The following SEC61A2 variants were observed in gnomAD, a reference collection of about 807,000 sequenced individuals.
The protein encoded by SEC61A2 is protein transport protein Sec61 subunit alpha isoform 2.
In SEC61A2, 28 loss-of-function variants were observed where a neutral mutation model predicts 59.9. That is an observed-to-expected ratio of 0.47 (90% CI 0.35 to 0.64). SEC61A2 has a LOEUF of 0.64. Among genes scored for constraint, SEC61A2 ranks in the 30% least tolerant of loss-of-function variants. SEC61A2 has a pLI of 0.01. For synonymous variants in SEC61A2, 202 were observed against 214.4 expected, an observed-to-expected ratio of 0.94 and a Z score of 0.50; for missense variants, 340 against 585.9, an observed-to-expected ratio of 0.58 and a Z score of 4.33.
rs114111486 is a variant in SEC61A2 at position 12,130,801 on chromosome 10, G to T, written c.7+1007G>T. 6.1e-3 allele frequency: 933 copies of T among 153,744 alleles called. 7 individuals are homozygous for T. The highest frequency in any genetic ancestry group is 0.021 in the African/African-American group (878 of 41,600). The allele number at this position is 153,744 out of a possible 1,614,324, so 9.5% of individuals were successfully genotyped here. On this transcript the variant is annotated intron_variant, in intron 1 of 11. Transcript: ENST00000298428. ...GGTTTTCAATTACTTCTCAAAAACC[G>T]CAGTTACTTTTGCACCAACCTAATA... is the stretch of plus-strand genomic sequence containing the variant.
chr10:12,158,011 A>T lies in SEC61A2; in HGVS notation c.881A>T (p.Gln294Leu). 1 of 1,614,130 alleles carries T rather than the reference A, an allele frequency of 6.2e-7. No homozygotes were observed. Among genetic ancestry groups the T allele is most frequent in the Non-Finnish European group, 8.5e-7 (1 of 1,180,022 alleles). Residue 294 changes from glutamine to leucine, a missense_variant, in exon 9 of 12, where the codon CAG becomes CTG. Physicochemically the swap from Gln to Leu is moderately radical, Grantham distance 113. Transcript: ENST00000298428. The surrounding 1 kb of genome is among the most constrained non-coding windows in gnomAD (Gnocchi z 5.7). ...FYTSNIPIIL[Q>L]SALVSNLYVI... is the part of the protein sequence containing the mutation. Reference sequence around the variant, plus strand: ...ACCTCCAACATCCCCATCATCCTCCAGTCGGCCCTGGTGTCCAACCTGTAT... The same window carrying T: ...ACCTCCAACATCCCCATCATCCTCCTGTCGGCCCTGGTGTCCAACCTGTAT...
In SEC61A2 at chr10:12,161,911, A is replaced by C. The variant is rs1834537878; in HGVS notation, c.1168-302A>C. Among the ~76,000 whole-genome samples, 1 of 152,196 alleles carries C rather than the reference A, an allele frequency of 6.6e-6. No individual in the cohort carries two copies. Among genetic ancestry groups the C allele is most frequent in the Non-Finnish European group, 1.5e-5 (1 of 68,028 alleles). On this transcript the variant is annotated intron_variant, in intron 10 of 11. Coordinates refer to ENST00000298428, the MANE Select transcript of SEC61A2 (RefSeq NM_018144.4). This position sits in a 1 kb window ranked among gnomAD's most constrained non-coding sequence, Gnocchi z 5.4. ...TCAGTGTCACCCCAACAGGCTAAAA[A>C]TTGGTTCCCAAAAGGTAAAAAATTC...
Position 12,164,311 on chromosome 10 carries a change from G to A in SEC61A2, c.1288G>A (p.Ala430Thr), listed in dbSNP as rs1297239833. 44 of 1,613,632 alleles carry A rather than the reference G, an allele frequency of 2.7e-5. No individual in the cohort carries two copies. The highest frequency in any genetic ancestry group is 4.0e-5 in the African/African-American group (3 of 74,920). The change falls in exon 12 of 12, where the codon GCC (alanine) becomes ACC (threonine). Residue 430 changes from alanine to threonine, a missense_variant. Physicochemically the swap from Ala to Thr is moderately conservative, Grantham distance 58. This residue lies in a region of SEC61A2 where 283 missense variants were observed against 483.2 expected (regional missense o/e 0.59). Coordinates refer to ENST00000298428, the MANE Select transcript of SEC61A2 (RefSeq NM_018144.4). The surrounding 1 kb of genome is among the most constrained non-coding windows in gnomAD (Gnocchi z 7.3). The stretch of plus-strand genomic sequence containing the variant: ...TGCGTTTGGCGGTTTGTGCATTGGC[G>A]CCCTGTCAGTGCTGGCTGACTTCCT... ...AAAFGGLCIG[A>T]LSVLADFLGA... is the part of the protein sequence containing the mutation.
chr10:12,147,805 T>G (rs1243474061), intron 4 of SEC61A2, among the ~76,000 whole-genome samples: 1 of 152,188 alleles, frequency 6.6e-6, no homozygotes, highest in African/African-American at 2.4e-5. Context: ...AAGGTCCATT[T>G]TTTTCTCTAC....
At chr10:12,135,128 G>A (rs1359967337) in intron 2 of SEC61A2, among the ~76,000 whole-genome samples, 3 of 114,534 alleles carry the variant, frequency 2.6e-5, no homozygotes, top group African/African-American at 9.7e-5. Flanking sequence ...CAGGGAGGGG[G>A]AACATCACAC....
Position 12,161,088 on chromosome 10 carries a change from A to G in SEC61A2, c.1134A>G (p.Thr378=), listed in dbSNP as rs373951087. ...MLGSCAFFSK[T]WIEVSGSSAK... ...GGTCATGTGCATTCTTCTCTAAGAC[A>G]TGGATTGAAGTGTCTGGTTCCTCAG... The change falls in exon 10 of 12, where the codon ACA becomes ACG. Residue 378 remains threonine (T), a synonymous_variant. Coordinates refer to ENST00000298428, the MANE Select transcript of SEC61A2 (RefSeq NM_018144.4). This position sits in a 1 kb window ranked among gnomAD's most constrained non-coding sequence, Gnocchi z 5.4. The G allele has an allele frequency of 3.6e-5, 58 of 1,613,388 alleles. No individual in the cohort carries two copies. The African/African-American group carries it at 7.2e-4, about 20-fold the overall frequency.
At chr10:12,165,459 CTGAGATGCCTGT>C, downstream of SEC61A2, 1 of 658,452 alleles carries the variant, frequency 1.5e-6, no homozygotes, top group Non-Finnish European at 1.9e-6. Context: ...GAAGTCCACC[CTGAGATGCCTGT>C]AAAAGTCAAA....
Position 12,164,672 on chromosome 10 carries a change from C to T in SEC61A2, c.*218C>T, listed in dbSNP as rs909438891. 2.2e-6 allele frequency: 3 copies of T among 1,346,896 alleles called. No individual in the cohort carries two copies. The African/African-American group carries it at 4.6e-5, about 20-fold the overall frequency. The allele number at this position is 1,346,896 out of a possible 1,614,324, so 83.4% of individuals were successfully genotyped here. A position where few individuals can be genotyped will look rare whatever the true frequency, so the allele number is the denominator to read the frequency against. The stretch of plus-strand genomic sequence containing the variant: ...TTTACATTATTCATTAAAAAAAGTA[C>T]ATCTAGTGTTGCCTGTAATGCTGGA... On this transcript the variant is annotated 3_prime_UTR_variant, in exon 12 of 12. Coordinates refer to ENST00000298428, the MANE Select transcript of SEC61A2 (RefSeq NM_018144.4). The surrounding 1 kb of genome is among the most constrained non-coding windows in gnomAD (Gnocchi z 7.3).
chr10:12,166,456 C>T (rs911976637), downstream of SEC61A2: 18 of 236,284 alleles, frequency 7.6e-5, no homozygotes, highest in Middle Eastern at 1.7e-3. Flanking sequence ...TTCTGTATTT[C>T]CATAATTGTT....
At position 12,162,118 on chromosome 10, in the gene SEC61A2, G is replaced by T; in HGVS notation, c.1168-95G>T. The T allele has an allele frequency of 1.1e-6, 1 of 893,630 alleles. No homozygotes were observed. The highest frequency in any genetic ancestry group is 1.9e-6 in the Non-Finnish European group (1 of 539,970). 55.4% of individuals were successfully genotyped at this position (893,630 alleles called of 1,614,324 possible). Reference sequence around the variant, plus strand: ...CAACTTTCAGGTTATTGTATGTTACGTGTTAGTGTGTGGCGAGCACTTCGC... The same window carrying T: ...CAACTTTCAGGTTATTGTATGTTACTTGTTAGTGTGTGGCGAGCACTTCGC... On this transcript the variant is annotated intron_variant, in intron 10 of 11. Coordinates refer to ENST00000298428, the MANE Select transcript of SEC61A2 (RefSeq NM_018144.4). The surrounding 1 kb of genome is among the most constrained non-coding windows in gnomAD (Gnocchi z 6.1).
At position 12,160,114 on chromosome 10, in the gene SEC61A2, A is replaced by C. The variant is rs1057501554; in HGVS notation, c.976-816A>C. Among the ~76,000 whole-genome samples, 1 of 152,156 alleles carries C rather than the reference A, an allele frequency of 6.6e-6. No homozygotes were observed. The highest frequency in any genetic ancestry group is 1.5e-5 in the Non-Finnish European group (1 of 68,032). ...GCCCTCCTTAGAATAGTCCAGCAGC[A>C]GCTATTACTCTGATCAGAATGTCAT... On this transcript the variant is annotated intron_variant, in intron 9 of 11. Coordinates refer to ENST00000298428, the MANE Select transcript of SEC61A2 (RefSeq NM_018144.4). The surrounding 1 kb of genome is among the most constrained non-coding windows in gnomAD (Gnocchi z 4.1).
At chr10:12,168,535 T>G (rs1466421040), downstream of SEC61A2, among the ~76,000 whole-genome samples, 1 of 151,544 alleles carries the variant, frequency 6.6e-6, no homozygotes, top group East Asian at 1.9e-4. This position sits in a 1 kb window ranked among gnomAD's most constrained non-coding sequence, Gnocchi z 4.8. Context: ...GGAGATCTAC[T>G]ACCAAGAATG....
chr10:12,134,131 C>T lies in SEC61A2; in HGVS notation c.75+823C>T, dbSNP rs569521212. ...ACGCCATTCTCCTGCCTCAGCCTCC[C>T]GAGTAGCTGGGACTACAGGCGCCCA... On this transcript the variant is annotated intron_variant, in intron 2 of 11. Transcript: ENST00000298428. 2.4e-4 allele frequency among the ~76,000 whole-genome samples: 36 copies of T among 152,334 alleles called. No individual in the cohort carries two copies. In the East Asian group the frequency reaches 5.6e-3, roughly 24 times the overall value.
chr10:12,156,497 G>A lies in SEC61A2; in HGVS notation c.617-410G>A, dbSNP rs1271418238. Among the ~76,000 whole-genome samples the A allele has an allele frequency of 1.3e-5, 2 of 152,116 alleles. No homozygotes were observed. Among genetic ancestry groups the A allele is most frequent in the Non-Finnish European group, 2.9e-5 (2 of 68,020 alleles). On this transcript the variant is annotated intron_variant, in intron 7 of 11. Coordinates refer to ENST00000298428, the MANE Select transcript of SEC61A2 (RefSeq NM_018144.4). The surrounding 1 kb of genome is among the most constrained non-coding windows in gnomAD (Gnocchi z 5.2). The stretch of plus-strand genomic sequence containing the variant: ...TAATGATGATTAATGTTCTTGGTGC[G>A]GTAAACTTCGAGGCAGGCTCGATAG...
chr10:12,142,010 C>T lies in SEC61A2; in HGVS notation c.142-1107C>T, dbSNP rs964429706. ...AGGGAAAGGCCTGCATTCTTACTCC[C>T]AGACCCAGGGCTAATCTATCATAGG... On this transcript the variant is annotated intron_variant, in intron 3 of 11. Coordinates refer to ENST00000298428, the MANE Select transcript of SEC61A2 (RefSeq NM_018144.4). The surrounding 1 kb of genome is among the most constrained non-coding windows in gnomAD (Gnocchi z 5.4). Among the ~76,000 whole-genome samples, 3 of 152,208 alleles carry T rather than the reference C, an allele frequency of 2.0e-5. No homozygotes were observed. The highest frequency in any genetic ancestry group is 7.2e-5 in the African/African-American group (3 of 41,450).
At chr10:12,167,917 T>C (rs1348977774), downstream of SEC61A2, 2 of 1,510,880 alleles carry the variant, frequency 1.3e-6, no homozygotes, top group South Asian at 1.3e-5. Context: ...TCACTTCCTA[T>C]GCTAGATGCT....
chr10:12,169,226 CACTT>C, downstream of SEC61A2: 1 of 1,452,834 alleles, frequency 6.9e-7, no homozygotes, highest in Non-Finnish European at 9.4e-7. The surrounding 1 kb of genome is among the most constrained non-coding windows in gnomAD (Gnocchi z 4.8). Context: ...CACCTCCCCT[CACTT>C]ATTCTATTTT....
At chr10:12,166,886 TG>T, downstream of SEC61A2, 1 of 354,880 alleles carries the variant, frequency 2.8e-6, no homozygotes, top group South Asian at 2.2e-5. Flanking sequence ...TACTCTGTAT[TG>T]GGTTTCAGGT....
chr10:12,151,552 C>T lies in SEC61A2; in HGVS notation c.462+1591C>T, dbSNP rs182921487. On this transcript the variant is annotated intron_variant, in intron 6 of 11. Transcript: ENST00000298428. ...GTCTTGATCTCTTGACCTCGTGATCCGCCTGCCTCGGCCTCCCAAAGTGCT... is the reference window on the plus strand; with the variant it reads ...GTCTTGATCTCTTGACCTCGTGATCTGCCTGCCTCGGCCTCCCAAAGTGCT... 3.5e-3 allele frequency among the ~76,000 whole-genome samples: 535 copies of T among 152,126 alleles called. 2 individuals are homozygous for T. The highest frequency in any genetic ancestry group is 0.012 in the African/African-American group (503 of 41,506).
Sources: allele counts gnomAD v4.1 joint callset (sites outside exome capture counted in the v4.1 genomes callset), GRCh38; gene constraint gnomAD v4.1.1; regional missense constraint gnomAD v4.1.1; non-coding constraint Gnocchi (gnomAD v3.1); transcripts MANE v1.5; gene names NCBI Gene and HGNC (gene_info 2026-07-23, HGNC 2026-07-21).